ACBD5: variants seen among roughly 807,000 people sequenced by gnomAD.
ACBD5 encodes acyl-CoA binding domain containing 5.
ACBD5 carries 40 observed loss-of-function variants against 71.8 expected under a neutral mutation model. The ratio of observed to expected loss-of-function variants is 0.56; its 90% CI spans 0.43 to 0.72. The LOEUF (loss-of-function observed/expected upper bound fraction) is 0.72, where lower values mean the gene tolerates loss of function less well. Ranked by LOEUF, ACBD5 falls within the 30% of genes least tolerant of loss-of-function variation. The pLI, the probability that ACBD5 is intolerant of heterozygous loss-of-function variation, is 0.00. For missense variants in ACBD5, 559 were observed against 644.5 expected (o/e 0.87, Z 1.44); for synonymous variants, 229 against 218.6 (o/e 1.05, Z -0.42).
upstream of ACBD5, chr10:27,240,968 G>A: frequency 1.7e-6 from 1 of 590,558 alleles, no homozygotes; most frequent in Non-Finnish European, 3.0e-6. The surrounding 1 kb of genome is among the most constrained non-coding windows in gnomAD (Gnocchi z 4.1). Context: ...CGGGGAAAGG[G>A]GGCCACAGTC....
At chr10:27,212,828 T>G (rs2061249423) in intron 8 of ACBD5, among the ~76,000 whole-genome samples, 1 of 152,158 alleles carries the variant, frequency 6.6e-6, no homozygotes, top group Non-Finnish European at 1.5e-5. Flanking sequence ...GGATTATAGG[T>G]GTCAGCCACC....
At position 27,217,981 on chromosome 10, in the gene ACBD5, T is replaced by C; in HGVS notation, c.828A>G (p.Gln276=). The change falls in exon 7 of 13, where the codon CAA becomes CAG. Residue 276 remains glutamine, a splice_region_variant and synonymous_variant. Coordinates refer to ENST00000396271, the MANE Select transcript of ACBD5 (RefSeq NM_145698.5). ...CACAGAATTATTTGGGGACAATACC[T>C]TGGTGAATGCAAACAGCAGATTTTC... ...QTGKSAVCIH[Q]DINDDHVEDV... 1 of 1,614,024 alleles carries C rather than the reference T, an allele frequency of 6.2e-7. No individual in the cohort carries two copies. The highest frequency in any genetic ancestry group is 8.5e-7 in the Non-Finnish European group (1 of 1,179,890).
In ACBD5 at chr10:27,237,452, C is replaced by T. The variant is rs116855911; in HGVS notation, c.182-2240G>A. 2.1e-3 allele frequency among the ~76,000 whole-genome samples: 314 copies of T among 152,304 alleles called. 5 individuals carry two copies. The East Asian group carries it at 0.023, about 11-fold the overall frequency. On this transcript the variant is annotated intron_variant, in intron 2 of 12. Coordinates refer to ENST00000396271, the MANE Select transcript of ACBD5 (RefSeq NM_145698.5). ...AACAAGGAACAAAAAACTCCAAGATCTTGCTCTTTGCATAATGATTCAGAG... is the reference window on the plus strand; with the variant it reads ...AACAAGGAACAAAAAACTCCAAGATTTTGCTCTTTGCATAATGATTCAGAG...
At position 27,196,237 on chromosome 10, in the gene ACBD5, GA is replaced by G; in HGVS notation, c.*1192del. 2.2e-6 allele frequency: 1 copy of G among 453,990 alleles called. No homozygotes were observed. The highest frequency in any genetic ancestry group is 2.4e-5 in the Admixed American group (1 of 42,528). 28.1% of individuals were successfully genotyped at this position (453,990 alleles called of 1,614,324 possible). ...TATTTGTTACAAAGACTGCATCAAA[GA>G]AATCTTCAAAGCACAAGGTACATCT... On this transcript the variant is annotated 3_prime_UTR_variant, in exon 13 of 13. Coordinates refer to ENST00000396271, the MANE Select transcript of ACBD5 (RefSeq NM_145698.5).
At chr10:27,190,273 A>C (rs910536811), downstream of ACBD5, among the ~76,000 whole-genome samples, 8 of 152,190 alleles carry the variant, frequency 5.3e-5, no homozygotes, top group African/African-American at 1.4e-4. Flanking sequence ...TGACAGAATG[A>C]GACTCTGCCT....
intron 5 of ACBD5, among the ~76,000 whole-genome samples, chr10:27,221,884 C>T (rs953828528): frequency 1.6e-5 from 2 of 128,992 alleles, no homozygotes; most frequent in Non-Finnish European, 3.1e-5. Context: ...GACCACTGCA[C>T]TCCAGTCAGT....
chr10:27,185,047 G>A (rs2058592616), intron 13 of ACBD5, among the ~76,000 whole-genome samples: 1 of 152,126 alleles, frequency 6.6e-6, no homozygotes, highest in Non-Finnish European at 1.5e-5. Flanking sequence ...TGAAATCAAG[G>A]AAGTCAAAGA....
intron 7 of ACBD5, among the ~76,000 whole-genome samples, chr10:27,216,262 T>A (rs2061617962): frequency 6.6e-6 from 1 of 151,674 alleles, no homozygotes; most frequent in African/African-American, 2.4e-5. Context: ...TGCCTCAGTC[T>A]CCAAGTAGCT....
intron 8 of ACBD5, among the ~76,000 whole-genome samples, chr10:27,212,826 G>A (rs2061248725): frequency 6.6e-6 from 1 of 152,010 alleles, no homozygotes; most frequent in South Asian, 2.1e-4. Flanking sequence ...TGGGATTATA[G>A]GTGTCAGCCA....
chr10:27,196,292 C>T lies in ACBD5; in HGVS notation c.*1138G>A, dbSNP rs562475297. ...TGAGCAGGAAGTTTTGGAAGGCATACAGGAAAAGTCTCCAAGGATCTAAAT... is the reference window on the plus strand; with the variant it reads ...TGAGCAGGAAGTTTTGGAAGGCATATAGGAAAAGTCTCCAAGGATCTAAAT... On this transcript the variant is annotated 3_prime_UTR_variant, in exon 13 of 13. Transcript: ENST00000396271. 3.3e-5 allele frequency: 15 copies of T among 454,072 alleles called. No homozygotes were observed. In the Admixed American group the frequency reaches 3.5e-4, roughly 11 times the overall value. The allele number at this position is 454,072 out of a possible 1,614,324, so 28.1% of individuals were successfully genotyped here.
chr10:27,228,047 C>T (rs2137923826), intron 4 of ACBD5, among the ~76,000 whole-genome samples: 1 of 152,004 alleles, frequency 6.6e-6, no homozygotes, highest in East Asian at 1.9e-4. Context: ...TCCTCTAATC[C>T]TCCCTCTATT....
intron 5 of ACBD5, chr10:27,220,522 T>C (rs761638296): frequency 2.6e-5 from 4 of 152,194 alleles, no homozygotes; most frequent in Non-Finnish European, 4.4e-5. Flanking sequence ...ATTCCAAATT[T>C]CTATAAAGAT....
chr10:27,202,527 C>T (rs1589004105), intron 12 of ACBD5, among the ~76,000 whole-genome samples: 1 of 152,158 alleles, frequency 6.6e-6, no homozygotes, highest in African/African-American at 2.4e-5. Flanking sequence ...TAGTAAAGAA[C>T]ATTTTAAACA....
Position 27,235,151 on chromosome 10 carries a change from A to G in ACBD5, c.243T>C (p.Thr81=). 1 of 1,613,986 alleles carries G rather than the reference A, an allele frequency of 6.2e-7. No individual in the cohort carries two copies. The highest frequency in any genetic ancestry group is 1.1e-5 in the South Asian group (1 of 91,086). ...LKFYSFYKQA[T]EGPCKLSRPG... ...GCCTTGAAAGTTTACAGGGTCCTTC[A>G]GTTGCCTGCTTATAGAAGCTATAAA... The change falls in exon 3 of 13, where the codon ACT becomes ACC. Residue 81 remains threonine (T), a synonymous_variant. Transcript: ENST00000396271.
At chr10:27,210,775 A>T (rs1183461345) in intron 9 of ACBD5, 39 bp downstream of exon 9, 1 of 1,613,766 alleles carries the variant, frequency 6.2e-7, no homozygotes, top group East Asian at 2.2e-5. Flanking sequence ...TAAGTAAGTA[A>T]ATCAATAAAG....
downstream of ACBD5, among the ~76,000 whole-genome samples, chr10:27,192,568 G>A (rs755393027): frequency 3.3e-5 from 5 of 152,162 alleles, no homozygotes; most frequent in Non-Finnish European, 7.3e-5. Flanking sequence ...CGTGGAGGAG[G>A]AAGAGCGCTC....
Position 27,196,588 on chromosome 10 carries a change from T to C in ACBD5, c.*842A>G. On this transcript the variant is annotated 3_prime_UTR_variant, in exon 13 of 13. Transcript: ENST00000396271. Reference sequence around the variant, plus strand: ...TTGACTGTTGTAAAAACAGTATAAATAAGTTTTCATTTTATATTTCAAAGC... The same window carrying C: ...TTGACTGTTGTAAAAACAGTATAAACAAGTTTTCATTTTATATTTCAAAGC... The C allele has an allele frequency of 4.4e-6, 2 of 453,826 alleles. No individual in the cohort carries two copies. The highest frequency in any genetic ancestry group is 3.1e-5 in the South Asian group (2 of 64,334). The allele number at this position is 453,826 out of a possible 1,614,324, so 28.1% of individuals were successfully genotyped here. A position where few individuals can be genotyped will look rare whatever the true frequency, so the allele number is the denominator to read the frequency against.
intron 12 of ACBD5, among the ~76,000 whole-genome samples, chr10:27,199,804 G>A (rs1311398289): frequency 3.3e-5 from 5 of 152,010 alleles, no homozygotes; most frequent in African/African-American, 7.2e-5. Flanking sequence ...CTGGTTAGAC[G>A]AGACTATCCT....
chr10:27,241,119 A>G (rs1028768954), upstream of ACBD5, among the ~76,000 whole-genome samples: 2 of 152,274 alleles, frequency 1.3e-5, no homozygotes, highest in African/African-American at 4.8e-5. Flanking sequence ...CCTGGGCCCA[A>G]AGCTGCACGC....
Sources: gnomAD v4.1 joint callset for allele counts (sites outside exome capture counted in the v4.1 genomes callset) on GRCh38, gnomAD v4.1.1 for gene constraint, Gnocchi (gnomAD v3.1) non-coding constraint, MANE v1.5 for transcripts, NCBI Gene and HGNC (gene_info 2026-07-23, HGNC 2026-07-21) for gene names.